SSH1: variants seen among roughly 807,000 people sequenced by gnomAD.
SSH1 encodes the protein protein phosphatase Slingshot homolog 1.
Under a neutral mutation model 79.7 loss-of-function variants are expected in SSH1, and 43 were observed. The ratio of observed to expected loss-of-function variants is 0.54; its 90% CI spans 0.42 to 0.70. SSH1 has a LOEUF of 0.70. Among genes scored for constraint, SSH1 ranks in the 30% least tolerant of loss-of-function variants. The pLI is 0.00. For synonymous variants in SSH1, 599 were observed against 538.3 expected (o/e 1.11, Z -1.56); for missense variants, 1,206 against 1,358.8 (o/e 0.89, Z 1.77).
chr12:108,828,941 T>C (rs921538488), intron 2 of SSH1, among the ~76,000 whole-genome samples: 4 of 152,194 alleles, frequency 2.6e-5, no homozygotes, highest in African/African-American at 7.2e-5. Context: ...TTTCTCCATA[T>C]GACAAACGAA....
intron 2 of SSH1, among the ~76,000 whole-genome samples, chr12:108,828,117 A>T (rs1238478305): frequency 6.6e-6 from 1 of 152,220 alleles, no homozygotes; most frequent in Non-Finnish European, 1.5e-5. Context: ...AGAGAATGGA[A>T]TAAGTACCCT....
chr12:108,810,476 C>G (rs1490717502), intron 6 of SSH1, among the ~76,000 whole-genome samples: 3 of 151,532 alleles, frequency 2.0e-5, no homozygotes, highest in African/African-American at 7.3e-5. Flanking sequence ...GAGCCGAGAT[C>G]GTACCACTGC....
At chr12:108,827,979 C>G (rs2038371280) in intron 2 of SSH1, among the ~76,000 whole-genome samples, 1 of 152,308 alleles carries the variant, frequency 6.6e-6, no homozygotes, top group Non-Finnish European at 1.5e-5. Flanking sequence ...GCAGGTCAGG[C>G]TGCAAAGGTC....
chr12:108,813,744 AAGGGG>A (rs1156540195), intron 5 of SSH1, among the ~76,000 whole-genome samples: 85 of 65,116 alleles, frequency 1.3e-3, no homozygotes, highest in African/African-American at 3.3e-3. Context: ...AAGGAAAGGG[AAGGGG>A]AGGGGAGGGG....
chr12:108,832,235 T>C (rs958156068), intron 2 of SSH1, among the ~76,000 whole-genome samples: 3 of 151,902 alleles, frequency 2.0e-5, no homozygotes, highest in Non-Finnish European at 4.4e-5. Context: ...AGGCAGAGGT[T>C]GCAGTGAGCC....
intron 10 of SSH1, among the ~76,000 whole-genome samples, chr12:108,804,744 G>A (rs2037190134): frequency 6.6e-6 from 1 of 152,212 alleles, no homozygotes; most frequent in African/African-American, 2.4e-5. Context: ...GGGCCTATGT[G>A]TTAGTGGCTG....
At chr12:108,808,540 A>T (rs1339133379) in intron 7 of SSH1, among the ~76,000 whole-genome samples, 1 of 152,248 alleles carries the variant, frequency 6.6e-6, no homozygotes, top group Admixed American at 6.5e-5. Context: ...AACCCTGAAC[A>T]TATGTTCATA....
At chr12:108,798,969 T>C in intron 13 of SSH1, 31 bp downstream of exon 13, 2 of 1,607,992 alleles carry the variant, frequency 1.2e-6, no homozygotes, top group Non-Finnish European at 1.7e-6. Flanking sequence ...CAGCTCCGCC[T>C]GCCAACCCTT....
intron 2 of SSH1, among the ~76,000 whole-genome samples, chr12:108,832,458 A>G (rs1294856200): frequency 6.6e-6 from 1 of 152,198 alleles, no homozygotes; most frequent in Non-Finnish European, 1.5e-5. Context: ...TAGGTCAGAA[A>G]GCAGCACCAT....
chr12:108,800,335 C>T (rs902941972), intron 12 of SSH1, among the ~76,000 whole-genome samples: 2 of 151,990 alleles, frequency 1.3e-5, no homozygotes, highest in African/African-American at 4.8e-5. Context: ...GAAGAAGGGC[C>T]GTATTCTTAG....
chr12:108,805,043 C>G lies in SSH1; in HGVS notation c.954+13G>C, dbSNP rs765629291. 1 of 1,613,898 alleles carries G rather than the reference C, an allele frequency of 6.2e-7. No homozygotes were observed. Among genetic ancestry groups the G allele is most frequent in the Non-Finnish European group, 8.5e-7 (1 of 1,179,920 alleles). On this transcript the variant is annotated intron_variant, in intron 10 of 14. Coordinates refer to ENST00000326495, the MANE Select transcript of SSH1 (RefSeq NM_018984.4). The stretch of plus-strand genomic sequence containing the variant: ...TCCCCCAAACCAGATACTGCCAGGG[C>G]CATGCCTCTTACGAGATAAAGATGA...
intron 5 of SSH1, chr12:108,811,764 G>A (rs969458532): frequency 1.2e-5 from 3 of 258,790 alleles, no homozygotes; most frequent in Non-Finnish European, 2.3e-5. Flanking sequence ...GTGTGGCTGC[G>A]GTTTTACAAT....
intron 5 of SSH1, among the ~76,000 whole-genome samples, chr12:108,812,828 A>G (rs1380917446): frequency 6.6e-6 from 1 of 151,694 alleles, no homozygotes; most frequent in Non-Finnish European, 1.5e-5. Flanking sequence ...GATTTCTACA[A>G]GGAAGGAAGA....
chr12:108,814,075 C>T (rs1236007538), intron 5 of SSH1, among the ~76,000 whole-genome samples: 2 of 152,010 alleles, frequency 1.3e-5, no homozygotes, highest in Admixed American at 1.3e-4. Flanking sequence ...AATACAAAAA[C>T]TTTCCAGGCA....
intron 1 of SSH1, chr12:108,853,472 G>C (rs2039084757): frequency 2.3e-6 from 1 of 430,146 alleles, no homozygotes; most frequent in Admixed American, 6.4e-5. Flanking sequence ...ATGGGAAAGA[G>C]AAACCTGGAA....
rs1401271988 is a variant in SSH1, at chr12:108,857,573, C to G, written c.-77G>C. The G allele has an allele frequency of 3.3e-6, 3 of 904,226 alleles. No homozygotes were observed. Among genetic ancestry groups the G allele is most frequent in the Admixed American group, 6.3e-5 (1 of 15,776 alleles). The allele number at this position is 904,226 out of a possible 1,614,324, so 56.0% of individuals were successfully genotyped here. A position where few individuals can be genotyped will look rare whatever the true frequency, so the allele number is the denominator to read the frequency against. ...CCGCCACCGCCGCCCGGGCCGGGCC[C>G]GGGGCCTCCTGGAGCCGCGCGCGGG... On this transcript the variant is annotated 5_prime_UTR_variant, in exon 1 of 15. Transcript: ENST00000326495. The surrounding 1 kb of genome is among the most constrained non-coding windows in gnomAD (Gnocchi z 4.7).
chr12:108,803,141 A>T (rs981586443), intron 10 of SSH1, among the ~76,000 whole-genome samples: 3 of 152,236 alleles, frequency 2.0e-5, no homozygotes, highest in Admixed American at 6.5e-5. Flanking sequence ...AAGAAGCTAT[A>T]TATGCATTTT....
intron 2 of SSH1, chr12:108,826,504 T>C (rs2038314471): frequency 7.8e-6 from 1 of 128,844 alleles, no homozygotes; most frequent in Admixed American, 9.8e-5. Flanking sequence ...AGTCAGGAGA[T>C]ACAGCCAGAG....
Position 108,793,912 on chromosome 12 carries a change from C to T in SSH1, c.1350-1083G>A, listed in dbSNP as rs113192244. 6.0e-3 allele frequency among the ~76,000 whole-genome samples: 910 copies of T among 152,306 alleles called. 2 individuals are homozygous for T. Among genetic ancestry groups the T allele is most frequent in the Non-Finnish European group, 0.011 (724 of 68,030 alleles). On this transcript the variant is annotated intron_variant, in intron 13 of 14. Coordinates refer to ENST00000326495, the MANE Select transcript of SSH1 (RefSeq NM_018984.4). Reference sequence around the variant, plus strand: ...CAGCAGCTACTCAAGGTCACTGCCACGCTGCTATGAACCTGGCCTGGAGCG... The same window carrying T: ...CAGCAGCTACTCAAGGTCACTGCCATGCTGCTATGAACCTGGCCTGGAGCG...
Sources: allele counts gnomAD v4.1 joint callset (sites outside exome capture counted in the v4.1 genomes callset), GRCh38; gene constraint gnomAD v4.1.1; non-coding constraint Gnocchi (gnomAD v3.1); transcripts MANE v1.5; gene names NCBI Gene and HGNC (gene_info 2026-07-23, HGNC 2026-07-21).